Variants in AKT3 observed in about 807,000 individuals in gnomAD.
The protein encoded by AKT3 is AKT serine/threonine kinase 3.
In AKT3, 15 loss-of-function variants were observed where a neutral mutation model predicts 65.3. The ratio of observed to expected loss-of-function variants is 0.23; its 90% CI spans 0.15 to 0.35. AKT3 has a LOEUF of 0.35. Ranked by LOEUF, AKT3 falls within the 10% of genes least tolerant of loss-of-function variation. AKT3 has a pLI of 1.00. For missense variants in AKT3, 243 were observed against 576.5 expected (o/e 0.42, Z 5.92); for synonymous variants, 206 against 183.8 (o/e 1.12, Z -0.98).
chr1:243,691,664 G>A (rs1049224030), intron 3 of AKT3, among the ~76,000 whole-genome samples: 2 of 152,218 alleles, frequency 1.3e-5, no homozygotes, highest in South Asian at 2.1e-4. Flanking sequence ...GGCAGAGACA[G>A]AACTCAGATA....
At chr1:243,630,040 T>C (rs1679487205) in intron 6 of AKT3, among the ~76,000 whole-genome samples, 1 of 152,164 alleles carries the variant, frequency 6.6e-6, no homozygotes, top group East Asian at 1.9e-4. Flanking sequence ...CAGGAAGCTA[T>C]AAATGGTAAT....
intron 1 of AKT3, among the ~76,000 whole-genome samples, chr1:243,843,824 G>GT (rs1259400532): frequency 1.4e-5 from 2 of 145,856 alleles, no homozygotes; most frequent in African/African-American, 5.1e-5. Context: ...GCTAATTTTT[G>GT]TATTTTTAGT....
At chr1:243,639,673 T>C (rs368709877) in intron 5 of AKT3, among the ~76,000 whole-genome samples, 1 of 152,336 alleles carries the variant, frequency 6.6e-6, no homozygotes, top group Non-Finnish European at 1.5e-5. Context: ...CTGTCAGTTC[T>C]GGGAATTCCC....
chr1:243,566,378 T>G (rs1301480138), intron 9 of AKT3, among the ~76,000 whole-genome samples: 2 of 152,304 alleles, frequency 1.3e-5, no homozygotes, highest in Non-Finnish European at 2.9e-5. Context: ...TTTCAAAGAA[T>G]GCAGGACGTG....
intron 12 of AKT3, among the ~76,000 whole-genome samples, chr1:243,527,857 C>T (rs1427318511): frequency 7.1e-6 from 1 of 140,160 alleles, no homozygotes; most frequent in Non-Finnish European, 1.5e-5. Context: ...TACAGCAAGA[C>T]TCCATCTCTT....
intron 4 of AKT3, among the ~76,000 whole-genome samples, chr1:243,664,005 C>T (rs1682582546): frequency 6.6e-6 from 1 of 152,222 alleles, no homozygotes; most frequent in East Asian, 1.9e-4. Flanking sequence ...AATCCTCTCT[C>T]CCGCTCCTTA....
At chr1:243,790,812 T>C (rs1164236029) in intron 2 of AKT3, among the ~76,000 whole-genome samples, 1 of 152,158 alleles carries the variant, frequency 6.6e-6, no homozygotes, top group East Asian at 1.9e-4. Context: ...TATTGTTGTG[T>C]CTCAGGAGTG....
chr1:243,755,334 A>G (rs1347419878), intron 2 of AKT3, among the ~76,000 whole-genome samples: 1 of 151,664 alleles, frequency 6.6e-6, no homozygotes, highest in African/African-American at 2.4e-5. Flanking sequence ...CTCGGCCACC[A>G]AAGTGCTAGG....
chr1:243,742,434 G>A (rs1400268554), intron 2 of AKT3, among the ~76,000 whole-genome samples: 2 of 152,144 alleles, frequency 1.3e-5, no homozygotes, highest in Non-Finnish European at 2.9e-5. Context: ...AGACCAGCCT[G>A]GCCAATATGG....
At chr1:243,743,531 A>T (rs1688294385) in intron 2 of AKT3, among the ~76,000 whole-genome samples, 1 of 152,244 alleles carries the variant, frequency 6.6e-6, no homozygotes, top group African/African-American at 2.4e-5. Flanking sequence ...CAACTTATCA[A>T]ATACAGAGAT....
chr1:243,603,494 T>G (rs764849015), intron 8 of AKT3, among the ~76,000 whole-genome samples: 2 of 152,244 alleles, frequency 1.3e-5, no homozygotes, highest in Non-Finnish European at 2.9e-5. Flanking sequence ...CTAGTCTCAC[T>G]GCATCTACAG....
chr1:243,675,269 G>A (rs889448679), intron 3 of AKT3, among the ~76,000 whole-genome samples: 3 of 152,034 alleles, frequency 2.0e-5, no homozygotes, highest in South Asian at 4.1e-4. Context: ...GCACAATCTC[G>A]GCTCACTGCA....
intron 2 of AKT3, among the ~76,000 whole-genome samples, chr1:243,813,633 A>G (rs1157123109): frequency 6.6e-6 from 1 of 152,200 alleles, no homozygotes; most frequent in Non-Finnish European, 1.5e-5. Context: ...TGGATTTTAA[A>G]AAATTTATAA....
At chr1:243,709,259 A>AG (rs1239937457) in intron 2 of AKT3, among the ~76,000 whole-genome samples, 6 of 150,484 alleles carry the variant, frequency 4.0e-5, no homozygotes, top group African/African-American at 1.2e-4. Flanking sequence ...TCTCCCATAT[A>AG]GAAAAAAAAA....
intron 13 of AKT3, chr1:243,488,926 AG>A: frequency 6.3e-7 from 1 of 1,595,804 alleles, no homozygotes; most frequent in African/African-American, 1.3e-5. Context: ...GTTCCCTATC[AG>A]GGGCTTCCCT....
At chr1:243,783,661 A>G (rs1480236401) in intron 2 of AKT3, among the ~76,000 whole-genome samples, 2 of 152,242 alleles carry the variant, frequency 1.3e-5, no homozygotes, top group East Asian at 3.8e-4. Flanking sequence ...AAGCTAGGAC[A>G]TGGGTACTTT....
chr1:243,690,336 T>C (rs1422555868), intron 3 of AKT3, among the ~76,000 whole-genome samples: 1 of 152,174 alleles, frequency 6.6e-6, no homozygotes, highest in Non-Finnish European at 1.5e-5. Flanking sequence ...CCATGACTCC[T>C]GGACAGACAA....
At chr1:243,774,274 CAT>C (rs1690402627) in intron 2 of AKT3, among the ~76,000 whole-genome samples, 1 of 152,168 alleles carries the variant, frequency 6.6e-6, no homozygotes, top group South Asian at 2.1e-4. Flanking sequence ...CCCTTTTCCA[CAT>C]AGTTCCACAT....
At chr1:243,833,801 T>G (rs1694701057) in intron 2 of AKT3, among the ~76,000 whole-genome samples, 1 of 151,466 alleles carries the variant, frequency 6.6e-6, no homozygotes, top group East Asian at 2.0e-4. Flanking sequence ...GGCTCACACC[T>G]GCAATCCTAG....
Sources: gnomAD v4.1 joint callset for allele counts (sites outside exome capture counted in the v4.1 genomes callset) on GRCh38, gnomAD v4.1.1 for gene constraint, MANE v1.5 for transcripts, NCBI Gene and HGNC (gene_info 2026-07-23, HGNC 2026-07-21) for gene names.